The following CA10 variants were observed in gnomAD, a reference collection of about 807,000 sequenced individuals.
The protein encoded by CA10 is carbonic anhydrase-related protein 10.
Under a neutral mutation model 44.2 loss-of-function variants are expected in CA10, and 14 were observed. That is an observed-to-expected ratio of 0.32 (90% CI 0.21 to 0.50). The LOEUF (loss-of-function observed/expected upper bound fraction) is 0.50. CA10 is among the 20% of genes least tolerant of loss of function. The pLI is 0.99. For synonymous variants in CA10, 159 were observed against 141.6 expected, an observed-to-expected ratio of 1.12 and a Z score of -0.87; for missense variants, 350 against 409.7, an observed-to-expected ratio of 0.85 and a Z score of 1.26.
intron 2 of CA10, among the ~76,000 whole-genome samples, chr17:51,951,801 C>T (rs203011): frequency 0.97 from 147,965 of 152,304 alleles, 71,989 homozygotes; most frequent in East Asian, 1. Context: ...AAGACAACCT[C>T]GTGGAACCTG....
intron 3 of CA10, among the ~76,000 whole-genome samples, chr17:51,914,964 A>G (rs1417986862): frequency 2.0e-5 from 3 of 152,208 alleles, no homozygotes; most frequent in Admixed American, 6.6e-5. Context: ...TAAGTACTCA[A>G]TATATTTAGT....
At chr17:51,698,730 A>G (rs1442952595) in intron 4 of CA10, among the ~76,000 whole-genome samples, 1 of 152,058 alleles carries the variant, frequency 6.6e-6, no homozygotes, top group Non-Finnish European at 1.5e-5. Flanking sequence ...TCTCCTTCCA[A>G]CCCCTGGTAA....
chr17:51,815,033 C>G (rs1907512116), intron 3 of CA10, among the ~76,000 whole-genome samples: 1 of 152,080 alleles, frequency 6.6e-6, no homozygotes, highest in South Asian at 2.1e-4. Context: ...GTTGAACATT[C>G]CAGAGACAGT....
rs1487618938 is a variant in CA10, at chr17:51,717,723, A to G, written c.465+29910T>C. Among the ~76,000 whole-genome samples the G allele has an allele frequency of 8.5e-4, 44 of 51,926 alleles. 5 individuals are homozygous for G. Among genetic ancestry groups the G allele is most frequent in the Admixed American group, 2.2e-3 (8 of 3,680 alleles). 34.1% of individuals were successfully genotyped at this position (51,926 alleles called of 152,430 possible). The stretch of plus-strand genomic sequence containing the variant: ...CATGTATATATACATATATACGTAT[A>G]TATACATATATACGTATATATACAT... On this transcript the variant is annotated intron_variant, in intron 4 of 8. Transcript: ENST00000451037.
At chr17:51,839,900 G>A (rs891190359) in intron 3 of CA10, among the ~76,000 whole-genome samples, 1 of 152,210 alleles carries the variant, frequency 6.6e-6, no homozygotes, top group Non-Finnish European at 1.5e-5. Flanking sequence ...GTTACTCGGT[G>A]TCAGACATTG....
intron 2 of CA10, among the ~76,000 whole-genome samples, chr17:52,044,010 A>G (rs1235086927): frequency 6.6e-6 from 1 of 151,974 alleles, no homozygotes; most frequent in Non-Finnish European, 1.5e-5. Flanking sequence ...TTGGCCTGTA[A>G]TGTTCTGTTC....
In CA10 at chr17:51,944,951, C is replaced by T. The variant is rs148942175; in HGVS notation, c.137-13819G>A. On this transcript the variant is annotated intron_variant, in intron 2 of 8. Transcript: ENST00000451037. ...ACTCTACTTCTCTGCACCCACTTTC[C>T]GAATTTCTGGGTCAACTGGGATGAT... Among the ~76,000 whole-genome samples the T allele has an allele frequency of 5.3e-3, 808 of 152,218 alleles. 5 individuals are homozygous for T. The highest frequency in any genetic ancestry group is 0.018 in the African/African-American group (758 of 41,550).
chr17:51,899,790 T>C (rs1981231518), intron 3 of CA10, among the ~76,000 whole-genome samples: 1 of 152,056 alleles, frequency 6.6e-6, no homozygotes. Context: ...CCTTAGCCAT[T>C]ATATAATGCC....
At chr17:51,928,190 A>G (rs1982506525) in intron 3 of CA10, among the ~76,000 whole-genome samples, 5 of 152,158 alleles carry the variant, frequency 3.3e-5, no homozygotes, top group Admixed American at 3.3e-4. Flanking sequence ...ATTATGTCTT[A>G]TGTAGATAGC....
intron 4 of CA10, among the ~76,000 whole-genome samples, chr17:51,705,929 G>C (rs527431144): frequency 1.7e-4 from 26 of 152,274 alleles, no homozygotes; most frequent in Non-Finnish European, 3.1e-4. Context: ...TGGTTAAGTA[G>C]TTGAAAAAGC....
At chr17:51,817,248 G>GT (rs1434799011) in intron 3 of CA10, among the ~76,000 whole-genome samples, 4 of 152,130 alleles carry the variant, frequency 2.6e-5, no homozygotes, top group Non-Finnish European at 5.9e-5. Context: ...CCATCCACAT[G>GT]TTTTTGTAAA....
chr17:52,102,003 T>C (rs996058464), intron 1 of CA10, among the ~76,000 whole-genome samples: 4 of 152,088 alleles, frequency 2.6e-5, no homozygotes, highest in African/African-American at 9.7e-5. Context: ...TATTTTGGAG[T>C]GCATATTGTT....
intron 3 of CA10, among the ~76,000 whole-genome samples, chr17:51,748,239 G>A (rs182583135): frequency 1.2e-3 from 189 of 152,302 alleles, no homozygotes; most frequent in African/African-American, 4.4e-3. Flanking sequence ...ACAGGGAAGA[G>A]AAAATGAGTG....
chr17:52,052,655 A>G (rs1987110866), intron 2 of CA10, among the ~76,000 whole-genome samples: 1 of 152,090 alleles, frequency 6.6e-6, no homozygotes, highest in Non-Finnish European at 1.5e-5. Context: ...ATAAATAACT[A>G]GGACTGAGAA....
intron 2 of CA10, among the ~76,000 whole-genome samples, chr17:51,956,094 TAAAG>T (rs918416427): frequency 1.1e-4 from 16 of 152,298 alleles, no homozygotes; most frequent in Admixed American, 4.6e-4. Context: ...TAGAAAAGCA[TAAAG>T]AATGATATTA....
At chr17:52,033,080 C>T (rs1986516026) in intron 2 of CA10, among the ~76,000 whole-genome samples, 1 of 151,978 alleles carries the variant, frequency 6.6e-6, no homozygotes, top group Non-Finnish European at 1.5e-5. Flanking sequence ...AGGTGGGCCA[C>T]CAGAGGTTTC....
intron 3 of CA10, among the ~76,000 whole-genome samples, chr17:51,750,444 ACAT>A (rs1214089363): frequency 1.3e-5 from 2 of 152,222 alleles, no homozygotes; most frequent in Admixed American, 6.5e-5. Context: ...TGAAATATCT[ACAT>A]CATATTTCCT....
intron 2 of CA10, among the ~76,000 whole-genome samples, chr17:52,031,137 T>C (rs1986454104): frequency 1.3e-5 from 2 of 151,140 alleles, no homozygotes; most frequent in Admixed American, 1.3e-4. Flanking sequence ...TATTAAGTGG[T>C]TGGCAATGAC....
chr17:51,886,358 G>A (rs1019841395), intron 3 of CA10, among the ~76,000 whole-genome samples: 5 of 152,140 alleles, frequency 3.3e-5, no homozygotes, highest in African/African-American at 4.8e-5. Context: ...TTTAAAGAGT[G>A]TTCTACAAAA....
Sources: allele counts gnomAD v4.1 joint callset (sites outside exome capture counted in the v4.1 genomes callset), GRCh38; gene constraint gnomAD v4.1.1; transcripts MANE v1.5; gene names NCBI Gene and HGNC (gene_info 2026-07-23, HGNC 2026-07-21).